The following TOX variants were observed in gnomAD, a reference collection of about 807,000 sequenced individuals.
TOX encodes thymocyte selection-associated high mobility group box protein TOX.
A neutral mutation model predicts 53.7 loss-of-function variants in TOX; 11 were observed. The ratio of observed to expected loss-of-function variants is 0.20; its 90% CI spans 0.13 to 0.34. The LOEUF (loss-of-function observed/expected upper bound fraction) is 0.34, where lower values mean the gene tolerates loss of function less well. Among genes scored for constraint, TOX ranks in the 10% least tolerant of loss-of-function variants. The pLI, the probability that TOX is intolerant of heterozygous loss-of-function variation, is 1.00. For synonymous variants in TOX, 225 were observed against 245.3 expected, an observed-to-expected ratio of 0.92 and a Z score of 0.77; for missense variants, 570 against 664.6, an observed-to-expected ratio of 0.86 and a Z score of 1.56.
At chr8:58,864,866 A>T (rs539330684) in intron 3 of TOX, among the ~76,000 whole-genome samples, 1 of 152,320 alleles carries the variant, frequency 6.6e-6, no homozygotes, top group East Asian at 1.9e-4. Context: ...ACTTGGAACA[A>T]ATTCATTGTG....
intron 2 of TOX, among the ~76,000 whole-genome samples, chr8:58,952,480 A>G (rs1812636838): frequency 6.6e-6 from 1 of 152,216 alleles, no homozygotes; most frequent in East Asian, 1.9e-4. Context: ...TCACATGCTA[A>G]AGAAGAAAAT....
chr8:59,052,641 G>A (rs10504280), intron 1 of TOX, among the ~76,000 whole-genome samples: 27,629 of 152,084 alleles, frequency 0.18, 2,687 homozygotes, highest in Non-Finnish European at 0.22. Context: ...TTTTACATGA[G>A]GCAACATAAG....
chr8:58,838,348 G>A, intron 4 of TOX, 37 bp from the exon 5 acceptor site: 1 of 1,555,996 alleles, frequency 6.4e-7, no homozygotes, highest in Admixed American at 1.7e-5. Context: ...TAGGGGGACT[G>A]AGACAATTTG....
chr8:59,062,033 T>G (rs1439408150), intron 1 of TOX, among the ~76,000 whole-genome samples: 1 of 152,204 alleles, frequency 6.6e-6, no homozygotes, highest in Non-Finnish European at 1.5e-5. Flanking sequence ...GCTTCCTGTA[T>G]AGCATTTTGG....
chr8:58,861,474 G>C (rs1000194845), intron 3 of TOX, among the ~76,000 whole-genome samples: 1 of 152,116 alleles, frequency 6.6e-6, no homozygotes, highest in Non-Finnish European at 1.5e-5. Context: ...TTCACAAGGG[G>C]CTATGATTTT....
chr8:58,981,829 T>C (rs1208002858), intron 1 of TOX, among the ~76,000 whole-genome samples: 3 of 152,196 alleles, frequency 2.0e-5, no homozygotes, highest in Non-Finnish European at 2.9e-5. Flanking sequence ...TTTTCTCCAT[T>C]CTTAAGAATA....
At chr8:58,993,906 G>A (rs568793196) in intron 1 of TOX, among the ~76,000 whole-genome samples, 3 of 152,072 alleles carry the variant, frequency 2.0e-5, no homozygotes, top group Admixed American at 6.5e-5. Context: ...AGCATTCCCC[G>A]AATGGCTGAG....
At chr8:59,023,341 C>T (rs967176432) in intron 1 of TOX, among the ~76,000 whole-genome samples, 2 of 4,144 alleles carry the variant, frequency 4.8e-4, no homozygotes, top group Non-Finnish European at 1.5e-3. Flanking sequence ...TGTGAAAATA[C>T]CTGAAGGTAC....
chr8:58,806,167 CTCT>C lies in TOX; in HGVS notation c.*1577_*1579del, dbSNP rs547099634. On this transcript the variant is annotated 3_prime_UTR_variant, in exon 9 of 9. Transcript: ENST00000361421. ...GCAAATCTCTGGTACCTTAAGAATC[CTCT>C]TGGAAGACCCAGGAATTCTGGAATG... is the stretch of plus-strand genomic sequence containing the variant. 7 of 152,228 alleles carry C rather than the reference CTCT, an allele frequency of 4.6e-5. No homozygotes were observed. Among genetic ancestry groups the C allele is most frequent in the African/African-American group, 1.7e-4 (7 of 41,538 alleles). 9.4% of individuals were successfully genotyped at this position (152,228 alleles called of 1,614,324 possible).
intron 3 of TOX, among the ~76,000 whole-genome samples, chr8:58,884,154 A>T (rs2129171196): frequency 6.6e-6 from 1 of 152,324 alleles, no homozygotes; most frequent in Middle Eastern, 3.4e-3. Flanking sequence ...TCCTTTTAGG[A>T]TGTATTCACC....
At position 59,097,539 on chromosome 8, in the gene TOX, G is replaced by A. The variant is rs545757666; in HGVS notation, c.102+21347C>T. Among the ~76,000 whole-genome samples the A allele has an allele frequency of 3.9e-5, 6 of 152,292 alleles. No individual in the cohort carries two copies. The South Asian group carries it at 1.0e-3, about 26-fold the overall frequency. ...GGTACAGAAAAGAAATAAAACTCAC[G>A]TAAAGTTTCCCATGATGCCTCTATT... On this transcript the variant is annotated intron_variant, in intron 1 of 8. Transcript: ENST00000361421.
chr8:59,012,138 A>G (rs973379086), intron 1 of TOX, among the ~76,000 whole-genome samples: 3 of 152,176 alleles, frequency 2.0e-5, no homozygotes, highest in African/African-American at 7.2e-5. Flanking sequence ...GCTATAAGTA[A>G]AAATGCATAA....
At chr8:58,880,049 C>T (rs1015442520) in intron 3 of TOX, among the ~76,000 whole-genome samples, 3 of 152,048 alleles carry the variant, frequency 2.0e-5, no homozygotes, top group Admixed American at 2.0e-4. Context: ...TTCCTAGATC[C>T]CATAGGAAAT....
At chr8:58,828,009 T>C (rs1359068389) in intron 5 of TOX, among the ~76,000 whole-genome samples, 1 of 152,244 alleles carries the variant, frequency 6.6e-6, no homozygotes, top group Non-Finnish European at 1.5e-5. Context: ...GCTAATATTT[T>C]GTAATGCTGA....
chr8:58,852,156 G>A (rs73243067), intron 3 of TOX, among the ~76,000 whole-genome samples: 9,743 of 151,972 alleles, frequency 0.064, 356 homozygotes, highest in East Asian at 0.12. Flanking sequence ...TTTATATAAC[G>A]TAAGTTTCAA....
intron 1 of TOX, among the ~76,000 whole-genome samples, chr8:59,066,490 C>G (rs1411407684): frequency 3.9e-5 from 6 of 152,124 alleles, no homozygotes; most frequent in Non-Finnish European, 1.5e-5. Context: ...AGATAGAAGT[C>G]AAATCCCATA....
intron 1 of TOX, chr8:58,992,108 T>C (rs555849617): frequency 2.6e-5 from 4 of 152,350 alleles, no homozygotes; most frequent in East Asian, 1.9e-4. Context: ...TATGACTTTG[T>C]AGTTTATGTA....
chr8:58,827,042 T>C (rs1449834663), intron 5 of TOX, 140 bp from the exon 6 acceptor site: 1 of 499,374 alleles, frequency 2.0e-6, no homozygotes, highest in Non-Finnish European at 3.0e-6. Flanking sequence ...CCAAAGATTG[T>C]GTTTTCTTAC....
intron 1 of TOX, among the ~76,000 whole-genome samples, chr8:59,034,408 C>G (rs963937598): frequency 6.6e-6 from 1 of 152,224 alleles, no homozygotes; most frequent in Non-Finnish European, 1.5e-5. Flanking sequence ...ATAGCCTTAT[C>G]CAGATATCCT....
Sources: gnomAD v4.1 joint callset for allele counts (sites outside exome capture counted in the v4.1 genomes callset) on GRCh38, gnomAD v4.1.1 for gene constraint, MANE v1.5 for transcripts, NCBI Gene and HGNC (gene_info 2026-07-23, HGNC 2026-07-21) for gene names.